The following SPON1 variants were observed in gnomAD, a reference collection of about 807,000 sequenced individuals.
SPON1 encodes the protein spondin-1.
A neutral mutation model predicts 111.7 loss-of-function variants in SPON1; 52 were observed. The ratio of observed to expected loss-of-function variants is 0.47; its 90% CI spans 0.37 to 0.59. The LOEUF is 0.59. Among genes scored for constraint, SPON1 ranks in the 20% least tolerant of loss-of-function variants. SPON1 has a pLI of 0.00. For synonymous variants in SPON1, 410 were observed against 395.8 expected (o/e 1.04, Z -0.43); for missense variants, 957 against 1,068.5 (o/e 0.90, Z 1.46).
chr11:14,024,073 T>C (rs1328274138), intron 2 of SPON1, among the ~76,000 whole-genome samples: 1 of 150,868 alleles, frequency 6.6e-6, no homozygotes, highest in African/African-American at 2.4e-5. Flanking sequence ...GTGACAGTGG[T>C]ATGGCTTGGC....
chr11:14,179,469 T>C (rs1397738752), intron 6 of SPON1, among the ~76,000 whole-genome samples: 1 of 152,128 alleles, frequency 6.6e-6, no homozygotes, highest in African/African-American at 2.4e-5. Flanking sequence ...TGGATAAAAT[T>C]TTCCAGCAAA....
At chr11:14,120,831 C>A (rs1035317405) in intron 5 of SPON1, among the ~76,000 whole-genome samples, 1 of 152,150 alleles carries the variant, frequency 6.6e-6, no homozygotes, top group Non-Finnish European at 1.5e-5. Flanking sequence ...CCCATCACAA[C>A]CATAGAAGAT....
chr11:13,986,311 C>A (rs1252561462), intron 2 of SPON1, among the ~76,000 whole-genome samples: 7 of 152,038 alleles, frequency 4.6e-5, no homozygotes, highest in South Asian at 2.1e-4. Context: ...CTGTTTAACA[C>A]CTTCACTTCA....
intron 2 of SPON1, among the ~76,000 whole-genome samples, chr11:14,031,144 A>G (rs1333108367): frequency 6.6e-6 from 1 of 152,194 alleles, no homozygotes; most frequent in Non-Finnish European, 1.5e-5. Flanking sequence ...AGTGGGAGCA[A>G]AACACTGGAT....
intron 1 of SPON1, among the ~76,000 whole-genome samples, chr11:13,964,077 A>G (rs1427626853): frequency 6.6e-6 from 1 of 152,080 alleles, no homozygotes; most frequent in Non-Finnish European, 1.5e-5. Flanking sequence ...TTCGACCAGC[A>G]CCGATCTGAA....
At chr11:14,057,495 G>C (rs567703630) in intron 3 of SPON1, among the ~76,000 whole-genome samples, 7 of 152,150 alleles carry the variant, frequency 4.6e-5, no homozygotes, top group African/African-American at 1.4e-4. Context: ...ATGTGAATAG[G>C]GTTCGAGGAT....
At chr11:14,173,285 T>G (rs1162779961) in intron 6 of SPON1, among the ~76,000 whole-genome samples, 1 of 152,238 alleles carries the variant, frequency 6.6e-6, no homozygotes, top group Non-Finnish European at 1.5e-5. Flanking sequence ...TTGATTGCAT[T>G]GGCTACTGAG....
At chr11:14,123,422 T>C (rs1554926715) in intron 5 of SPON1, among the ~76,000 whole-genome samples, 7 of 152,170 alleles carry the variant, frequency 4.6e-5, no homozygotes. Flanking sequence ...CTAGGGCTAA[T>C]GTAGTTTTGC....
At chr11:14,112,397 ACT>A (rs1849233063) in intron 5 of SPON1, among the ~76,000 whole-genome samples, 1 of 152,136 alleles carries the variant, frequency 6.6e-6, no homozygotes, top group Non-Finnish European at 1.5e-5. Flanking sequence ...AAGCATGTAG[ACT>A]CTGCAGTCAG....
At chr11:14,222,749 G>T (rs1554937712) in intron 6 of SPON1, among the ~76,000 whole-genome samples, 1 of 151,998 alleles carries the variant, frequency 6.6e-6, no homozygotes, top group Non-Finnish European at 1.5e-5. Flanking sequence ...TTAACAATAG[G>T]CTCTCAGAAA....
chr11:14,000,542 A>T (rs1393709489), intron 2 of SPON1, among the ~76,000 whole-genome samples: 1 of 152,192 alleles, frequency 6.6e-6, no homozygotes, highest in Non-Finnish European at 1.5e-5. Context: ...TATAGCTGCC[A>T]ATTTATTGGG....
At chr11:14,201,672 A>G (rs1029513629) in intron 6 of SPON1, among the ~76,000 whole-genome samples, 2 of 152,192 alleles carry the variant, frequency 1.3e-5, no homozygotes, top group Non-Finnish European at 1.5e-5. Context: ...TGTTGATGTT[A>G]TAGGTATGAG....
intron 2 of SPON1, among the ~76,000 whole-genome samples, chr11:14,009,535 A>G (rs1399379681): frequency 1.3e-5 from 2 of 152,324 alleles, no homozygotes; most frequent in African/African-American, 4.8e-5. Context: ...ATGCTCTGTT[A>G]TGTTCTCGTT....
At chr11:14,108,824 T>C (rs780175488) in intron 5 of SPON1, among the ~76,000 whole-genome samples, 3 of 152,106 alleles carry the variant, frequency 2.0e-5, no homozygotes, top group Non-Finnish European at 4.4e-5. Context: ...GTGATTTCTG[T>C]TGGCCAAGGT....
chr11:14,006,836 G>A (rs1848365644), intron 2 of SPON1, among the ~76,000 whole-genome samples: 1 of 152,204 alleles, frequency 6.6e-6, no homozygotes, highest in African/African-American at 2.4e-5. Context: ...AGATTGGCCA[G>A]TTCACATCAT....
Position 14,259,555 on chromosome 11 carries a change from CCGAGTGGGG to C in SPON1, c.1694_1702del (p.Gly565_Trp567del), listed in dbSNP as rs1293222519. ...CCAGCTCCCAGCAGCTGCCTGATGA[CCGAGTGGGG>C]CGAGTGGGACGAGTGCAGCGCCACC... On this transcript the variant is annotated inframe_deletion, in exon 13 of 16. Coordinates refer to ENST00000576479, the MANE Select transcript of SPON1 (RefSeq NM_006108.4). This position sits in a 1 kb window ranked among gnomAD's most constrained non-coding sequence, Gnocchi z 5.0. 26 of 1,553,944 alleles carry C rather than the reference CCGAGTGGGG, an allele frequency of 1.7e-5. No individual in the cohort carries two copies. The highest frequency in any genetic ancestry group is 6.8e-5 in the African/African-American group (5 of 73,192).
intron 2 of SPON1, among the ~76,000 whole-genome samples, chr11:14,020,048 G>A (rs1848469811): frequency 6.6e-6 from 1 of 152,152 alleles, no homozygotes; most frequent in African/African-American, 2.4e-5. Flanking sequence ...TTCAATCTCT[G>A]GGGTTGGACA....
intron 6 of SPON1, among the ~76,000 whole-genome samples, chr11:14,210,530 C>G (rs1336889231): frequency 2.0e-5 from 3 of 152,034 alleles, no homozygotes; most frequent in African/African-American, 7.3e-5. Flanking sequence ...TCCCGAGTAG[C>G]TGGGACTTAC....
At chr11:14,142,104 TG>T (rs1388878612) in intron 6 of SPON1, among the ~76,000 whole-genome samples, 56 of 152,310 alleles carry the variant, frequency 3.7e-4, no homozygotes, top group African/African-American at 1.3e-3. Context: ...GAGATGAAAA[TG>T]GCGATTGTGC....
Sources: gnomAD v4.1 joint callset for allele counts (sites outside exome capture counted in the v4.1 genomes callset) on GRCh38, gnomAD v4.1.1 for gene constraint, Gnocchi (gnomAD v3.1) non-coding constraint, MANE v1.5 for transcripts, NCBI Gene and HGNC (gene_info 2026-07-23, HGNC 2026-07-21) for gene names.